The following NRXN3 variants were observed in gnomAD, a reference collection of about 807,000 sequenced individuals.
NRXN3 encodes neurexin 3, also known as neurexin III.
Under a neutral mutation model 137.6 loss-of-function variants are expected in NRXN3, and 32 were observed. That is an observed-to-expected ratio of 0.23 (90% confidence interval 0.18 to 0.31). The LOEUF is 0.31. NRXN3 is among the 10% of genes least tolerant of loss of function. NRXN3 has a pLI of 1.00. For synonymous variants in NRXN3, 798 were observed against 784.5 expected (o/e 1.02, Z -0.29); for missense variants, 1,574 against 2,062.5 (o/e 0.76, Z 4.59).
intron 15 of NRXN3, among the ~76,000 whole-genome samples, chr14:79,083,072 A>G (rs1346987795): frequency 6.6e-6 from 1 of 152,230 alleles, no homozygotes; most frequent in Non-Finnish European, 1.5e-5. Flanking sequence ...GCTTCACAGC[A>G]GCATCTCCAA....
At chr14:79,065,492 G>T (rs2099679693) in intron 15 of NRXN3, among the ~76,000 whole-genome samples, 1 of 152,104 alleles carries the variant, frequency 6.6e-6, no homozygotes. Context: ...TTCACTGAGA[G>T]GCAGGGATAT....
intron 15 of NRXN3, among the ~76,000 whole-genome samples, chr14:79,391,928 T>C (rs1240708088): frequency 6.6e-6 from 1 of 152,200 alleles, no homozygotes; most frequent in Non-Finnish European, 1.5e-5. Flanking sequence ...CTATGTTCTA[T>C]AGTCCCTCCT....
At chr14:79,735,288 T>C (rs907501345) in intron 19 of NRXN3, among the ~76,000 whole-genome samples, 15 of 152,202 alleles carry the variant, frequency 9.9e-5, no homozygotes, top group Non-Finnish European at 1.3e-4. Context: ...AAGTGGGCTA[T>C]TATGTACATT....
intron 10 of NRXN3, among the ~76,000 whole-genome samples, chr14:78,907,689 TAG>T (rs1309117364): frequency 1.3e-5 from 2 of 152,078 alleles, no homozygotes; most frequent in Non-Finnish European, 2.9e-5. Context: ...GTTTGTTATG[TAG>T]GTAAACTTGT....
chr14:78,599,442 A>G lies in NRXN3; in HGVS notation c.758-45678A>G, dbSNP rs907958475. Among the ~76,000 whole-genome samples, 6 of 152,376 alleles carry G rather than the reference A, an allele frequency of 3.9e-5. No homozygotes were observed. The East Asian group carries it at 7.7e-4, about 20-fold the overall frequency. On this transcript the variant is annotated intron_variant, in intron 4 of 20. Coordinates refer to ENST00000335750, the MANE Select transcript of NRXN3 (RefSeq NM_001330195.2). Reference sequence around the variant, plus strand: ...GAAATTTAGTCTTATTTCTCAGTCTATAGTTAACACATAGCAATCTGGTGC... The same window carrying G: ...GAAATTTAGTCTTATTTCTCAGTCTGTAGTTAACACATAGCAATCTGGTGC...
intron 2 of NRXN3, among the ~76,000 whole-genome samples, chr14:78,247,074 A>G (rs1467695494): frequency 6.6e-6 from 1 of 152,220 alleles, no homozygotes; most frequent in Non-Finnish European, 1.5e-5. Flanking sequence ...GGGCCTCTGC[A>G]GCTTCAGATG....
chr14:79,363,164 C>A (rs1252912847), intron 15 of NRXN3, among the ~76,000 whole-genome samples: 1 of 152,066 alleles, frequency 6.6e-6, no homozygotes, highest in African/African-American at 2.4e-5. Context: ...CCGCACCTGG[C>A]TAATTTTGTA....
At position 79,098,454 on chromosome 14, in the gene NRXN3, G is replaced by A. The variant is rs546895371; in HGVS notation, c.3262+110313G>A. Among the ~76,000 whole-genome samples the A allele has an allele frequency of 3.3e-5, 5 of 152,186 alleles. No individual in the cohort carries two copies. In the South Asian group the frequency reaches 1.0e-3, roughly 32 times the overall value. ...GCAAATATTTTTCTTTTCCTCATTG[G>A]GTAGTTTCCCAGGAAAGAAGCTCAC... On this transcript the variant is annotated intron_variant, in intron 15 of 20. Transcript: ENST00000335750.
chr14:78,199,068 A>C, intron 1 of NRXN3, among the ~76,000 whole-genome samples: 1 of 152,230 alleles, frequency 6.6e-6, no homozygotes, highest in East Asian at 1.9e-4. Context: ...CAGCAGAGGC[A>C]CATTGTCAGA....
chr14:79,202,762 T>G (rs1252092770), intron 15 of NRXN3, among the ~76,000 whole-genome samples: 1 of 152,220 alleles, frequency 6.6e-6, no homozygotes, highest in Non-Finnish European at 1.5e-5. Flanking sequence ...TACCACAGTT[T>G]CTTTATCCAC....
intron 15 of NRXN3, among the ~76,000 whole-genome samples, chr14:79,413,657 C>T (rs1458784725): frequency 1.3e-5 from 2 of 152,038 alleles, no homozygotes; most frequent in Admixed American, 6.6e-5. Context: ...TACAACAGAT[C>T]TTGACCTGCA....
intron 6 of NRXN3, among the ~76,000 whole-genome samples, chr14:78,683,893 C>T (rs985661830): frequency 1.1e-4 from 17 of 152,080 alleles, no homozygotes; most frequent in African/African-American, 4.1e-4. Flanking sequence ...TTAGTTACAT[C>T]TTAGATTGAT....
rs142425043 is a variant in NRXN3 at position 78,315,823 on chromosome 14, T to G, written c.757+17963T>G. 3.3e-5 allele frequency among the ~76,000 whole-genome samples: 5 copies of G among 151,726 alleles called. No individual in the cohort carries two copies. In the East Asian group the frequency reaches 9.6e-4, roughly 29 times the overall value. On this transcript the variant is annotated intron_variant, in intron 4 of 20. Coordinates refer to ENST00000335750, the MANE Select transcript of NRXN3 (RefSeq NM_001330195.2). ...GATTAAGATAATTTTCTTGTTGCAT[T>G]AAGACAATAATAGGAGTACATGTTT...
chr14:79,218,636 C>T (rs555161413), intron 15 of NRXN3, among the ~76,000 whole-genome samples: 1 of 152,282 alleles, frequency 6.6e-6, no homozygotes, highest in African/African-American at 2.4e-5. Flanking sequence ...TAAAAGGTAG[C>T]TCTGCAAGGA....
intron 15 of NRXN3, among the ~76,000 whole-genome samples, chr14:79,019,089 G>A (rs529125876): frequency 2.0e-5 from 3 of 152,240 alleles, no homozygotes; most frequent in Admixed American, 2.0e-4. Flanking sequence ...ATTCAGTACA[G>A]ATGATGTAGG....
chr14:78,452,028 AC>A (rs1223071809), intron 4 of NRXN3, among the ~76,000 whole-genome samples: 6 of 152,200 alleles, frequency 3.9e-5, no homozygotes, highest in Non-Finnish European at 5.9e-5. Flanking sequence ...CTAGCCGCCC[AC>A]CTACCTAACA....
chr14:79,294,858 C>A (rs957286305), intron 15 of NRXN3, among the ~76,000 whole-genome samples: 2 of 152,162 alleles, frequency 1.3e-5, no homozygotes, highest in Non-Finnish European at 2.9e-5. Flanking sequence ...GGTTACAATT[C>A]ATTAAAATGA....
At chr14:78,395,015 T>G (rs1432771723) in intron 4 of NRXN3, among the ~76,000 whole-genome samples, 1 of 151,894 alleles carries the variant, frequency 6.6e-6, no homozygotes, top group Non-Finnish European at 1.5e-5. Flanking sequence ...AGGAATCATC[T>G]CTTTGTTTTA....
At chr14:78,604,067 C>T (rs1010802671) in intron 4 of NRXN3, among the ~76,000 whole-genome samples, 25 of 152,084 alleles carry the variant, frequency 1.6e-4, no homozygotes, top group Admixed American at 5.2e-4. Flanking sequence ...ATGTCTTACA[C>T]GGAGGCAGGC....
Sources: allele counts gnomAD v4.1 joint callset (sites outside exome capture counted in the v4.1 genomes callset), GRCh38; gene constraint gnomAD v4.1.1; transcripts MANE v1.5; gene names NCBI Gene and HGNC (gene_info 2026-07-23, HGNC 2026-07-21).